The following DDX31 variants were observed in gnomAD, a reference collection of about 807,000 sequenced individuals.
DDX31 encodes ATP-dependent DNA helicase DDX31.
A neutral mutation model predicts 91.3 loss-of-function variants in DDX31; 70 were observed. That is an observed-to-expected ratio of 0.77 (90% CI 0.63 to 0.94). The LOEUF (loss-of-function observed/expected upper bound fraction) is 0.94. Ranked by LOEUF, DDX31 falls within the 40% of genes least tolerant of loss-of-function variation. The pLI is 0.00. For missense variants in DDX31, 902 were observed against 925.0 expected (o/e 0.98, Z 0.32); for synonymous variants, 362 against 350.6 (o/e 1.03, Z -0.36).
chr9:132,630,210 CAG>C (rs1832635171), intron 16 of DDX31, 52 bp downstream of exon 16: 1 of 1,502,476 alleles, frequency 6.7e-7, no homozygotes, highest in Non-Finnish European at 9.0e-7. Flanking sequence ...TAAAAAGCGA[CAG>C]AAAGTTAATT....
rs191872137 is a variant in DDX31, at chr9:132,644,327, C to G, written c.1380+1568G>C. On this transcript the variant is annotated intron_variant, in intron 13 of 19. Coordinates refer to ENST00000372159, the MANE Select transcript of DDX31 (RefSeq NM_022779.9). ...AATAGTAATAAAGGCACTTTAACAT[C>G]TACTGAGCACTTCCTGTGTGCTAGG... Among the ~76,000 whole-genome samples, 6 of 152,334 alleles carry G rather than the reference C, an allele frequency of 3.9e-5. No homozygotes were observed. The East Asian group carries it at 1.2e-3, about 29-fold the overall frequency.
At position 132,625,654 on chromosome 9, in the gene DDX31, CA is replaced by C. The variant is rs748110807; in HGVS notation, c.1713+9del. On this transcript the variant is annotated intron_variant, in intron 17 of 19. Transcript: ENST00000372159. ...TGTTGGCAGCGAGCACAATAAATAA[CA>C]AAACTCACCTGGGCTCCCCATCGTT... 5.0e-6 allele frequency: 8 copies of C among 1,612,390 alleles called. No individual in the cohort carries two copies. Among genetic ancestry groups the C allele is most frequent in the Non-Finnish European group, 6.8e-6 (8 of 1,178,664 alleles).
chr9:132,600,086 G>A (rs1332454708), intron 19 of DDX31, among the ~76,000 whole-genome samples: 1 of 152,254 alleles, frequency 6.6e-6, no homozygotes, highest in Non-Finnish European at 1.5e-5. Context: ...ACACAGAGGA[G>A]CTGAGGGAAA....
intron 6 of DDX31, among the ~76,000 whole-genome samples, chr9:132,655,575 A>G (rs1464892005): frequency 6.6e-6 from 1 of 152,214 alleles, no homozygotes; most frequent in African/African-American, 2.4e-5. Context: ...CCACTAAGGG[A>G]AAGTGGGAAT....
Position 132,625,741 on chromosome 9 carries a change from A to G in DDX31, c.1636T>C (p.Ser546Pro). ...NSLASHKINV[S>P]EIKMEDILCV... ...AAAATATCTTCCATCTTAATCTCAG[A>G]AACGCTGTAAAAGGAAGGGCACAGC... Residue 546 changes from serine to proline, a missense_variant, in exon 17 of 20, where the codon TCT becomes CCT. Physicochemically the swap from Ser to Pro is moderately conservative, Grantham distance 74 (BLOSUM62 -1). Transcript: ENST00000372159. The G allele has an allele frequency of 6.2e-7, 1 of 1,613,218 alleles. No homozygotes were observed. Among genetic ancestry groups the G allele is most frequent in the South Asian group, 1.1e-5 (1 of 90,758 alleles).
chr9:132,658,013 A>C (rs569614844), intron 6 of DDX31: 17 of 338,848 alleles, frequency 5.0e-5, no homozygotes, highest in African/African-American at 3.6e-4. Flanking sequence ...TCAAAAGCAA[A>C]CACCACATTG....
Position 132,658,735 on chromosome 9 carries a change from C to T in DDX31, c.524G>A (p.Gly175Asp), listed in dbSNP as rs764940067. 4 of 1,612,748 alleles carry T rather than the reference C, an allele frequency of 2.5e-6. No homozygotes were observed. The Admixed American group carries it at 5.0e-5, about 20-fold the overall frequency. Residue 175 changes from glycine (G) to aspartate (D), a missense_variant and splice_region_variant, in exon 6 of 20, where the codon GGT becomes GAT. Physicochemically the swap from Gly to Asp is moderately conservative, Grantham distance 94. Coordinates refer to ENST00000372159, the MANE Select transcript of DDX31 (RefSeq NM_022779.9). ...DALVRSQTGSGKTLAYCIPVV... is the reference protein window; with the variant it reads ...DALVRSQTGSDKTLAYCIPVV... ...AGGGATGCAATAGGCAAGAGTTTTA[C>T]CTTTCAAAAAAAAAGCAGAAGCAAT...
At chr9:132,664,634 G>A (rs371492522) in intron 1 of DDX31, among the ~76,000 whole-genome samples, 10 of 151,430 alleles carry the variant, frequency 6.6e-5, no homozygotes, top group East Asian at 3.9e-4. Context: ...ACCTGAGCCC[G>A]GGAGGTCAAG....
At chr9:132,654,865 G>A in intron 6 of DDX31, among the ~76,000 whole-genome samples, 1 of 146,004 alleles carries the variant, frequency 6.8e-6, no homozygotes. Flanking sequence ...AGAACTGCTT[G>A]AATCCGGGAG....
In DDX31 at chr9:132,647,065, T is replaced by G. The variant is rs1161498529; in HGVS notation, c.968-7A>C. On this transcript the variant is annotated splice_polypyrimidine_tract_variant and splice_region_variant and intron_variant, in intron 11 of 19. Coordinates refer to ENST00000372159, the MANE Select transcript of DDX31 (RefSeq NM_022779.9). Reference sequence around the variant, plus strand: ...TCAGCTAGCCGCGTTACACCTTGGATAAAAGTAAGAAGGGCAAAGCAGACA... The same window carrying G: ...TCAGCTAGCCGCGTTACACCTTGGAGAAAAGTAAGAAGGGCAAAGCAGACA... The G allele has an allele frequency of 6.3e-7, 1 of 1,597,828 alleles. No homozygotes were observed. Among genetic ancestry groups the G allele is most frequent in the South Asian group, 1.1e-5 (1 of 90,110 alleles).
chr9:132,668,715 C>T (rs1835489128), intron 1 of DDX31, among the ~76,000 whole-genome samples: 1 of 152,034 alleles, frequency 6.6e-6, no homozygotes, highest in Non-Finnish European at 1.5e-5. Flanking sequence ...CTACAGGCGC[C>T]CACCACCACG....
At chr9:132,645,873 G>A (rs753326644) in intron 13 of DDX31, 22 bp downstream of exon 13, 2 of 1,598,638 alleles carry the variant, frequency 1.3e-6, no homozygotes, top group Non-Finnish European at 8.5e-7. Flanking sequence ...TGTTGTCGCT[G>A]CACAGGGAGA....
intron 19 of DDX31, among the ~76,000 whole-genome samples, chr9:132,608,573 G>A (rs1289528184): frequency 6.6e-6 from 1 of 152,116 alleles, no homozygotes; most frequent in Non-Finnish European, 1.5e-5. Flanking sequence ...AGGTGAGACA[G>A]GCTTCTGTTA....
chr9:132,637,145 C>T (rs924153515), intron 14 of DDX31, among the ~76,000 whole-genome samples: 4 of 151,996 alleles, frequency 2.6e-5, no homozygotes, highest in Non-Finnish European at 5.9e-5. Flanking sequence ...CATTCTCTGC[C>T]CCCGCCCTAC....
intron 19 of DDX31, among the ~76,000 whole-genome samples, chr9:132,605,016 C>T (rs1171434277): frequency 2.3e-4 from 35 of 152,192 alleles, no homozygotes; most frequent in Admixed American, 2.3e-3. Flanking sequence ...AGATCCCAAC[C>T]CCAGGCCTGT....
intron 19 of DDX31, among the ~76,000 whole-genome samples, chr9:132,611,206 C>T (rs1676944828): frequency 6.6e-6 from 1 of 152,172 alleles, no homozygotes; most frequent in Non-Finnish European, 1.5e-5. Flanking sequence ...ACAATGCAAA[C>T]TAACCATCCA....
chr9:132,627,427 A>G (rs1350562229), intron 16 of DDX31, among the ~76,000 whole-genome samples: 1 of 152,192 alleles, frequency 6.6e-6, no homozygotes, highest in East Asian at 1.9e-4. Flanking sequence ...GAACAAAGCA[A>G]ATCTACTATG....
chr9:132,662,811 GC>G, intron 1 of DDX31, 116 bp from the exon 2 acceptor site: 1 of 1,347,108 alleles, frequency 7.4e-7, no homozygotes, highest in South Asian at 1.4e-5. Flanking sequence ...AGATCATTAT[GC>G]CCCATATGTC....
At chr9:132,616,202 A>G (rs1831616846) in intron 18 of DDX31, among the ~76,000 whole-genome samples, 1 of 152,218 alleles carries the variant, frequency 6.6e-6, no homozygotes, top group Admixed American at 6.5e-5. Context: ...GAGCTCTGTA[A>G]GAGGCGGTGT....
Sources: allele counts gnomAD v4.1 joint callset (sites outside exome capture counted in the v4.1 genomes callset), GRCh38; gene constraint gnomAD v4.1.1; transcripts MANE v1.5; gene names NCBI Gene and HGNC (gene_info 2026-07-23, HGNC 2026-07-21).